SGSM1: variants seen among roughly 807,000 people sequenced by gnomAD.
The protein encoded by SGSM1 is RUN and TBC1 domain containing 2.
In SGSM1, 73 loss-of-function variants were observed where a neutral mutation model predicts 133.8. The ratio of observed to expected loss-of-function variants is 0.55; its 90% CI spans 0.45 to 0.66. The LOEUF is 0.66. Among genes scored for constraint, SGSM1 ranks in the 30% least tolerant of loss-of-function variants. The probability of loss-of-function intolerance (pLI) is 0.00; values close to 1 mark genes in which losing one functional copy is unlikely to be tolerated. For synonymous variants in SGSM1, 563 were observed against 573.0 expected (o/e 0.98, Z 0.25); for missense variants, 1,213 against 1,448.1 (o/e 0.84, Z 2.64).
chr22:24,919,904 T>C lies in SGSM1; in HGVS notation c.3104T>C (p.Leu1035Pro). The C allele has an allele frequency of 3.7e-6, 6 of 1,614,058 alleles. No homozygotes were observed. Among genetic ancestry groups the C allele is most frequent in the Non-Finnish European group, 5.1e-6 (6 of 1,179,888 alleles). The change falls in exon 24 of 25, where the codon CTG becomes CCG. Residue 1035 changes from leucine (L) to proline (P), a missense_variant. Leu to Pro is a moderately conservative substitution (Grantham distance 98). Transcript: ENST00000400358. ...CACGTCTCCTCTGCGCACTACGTCC[T>C]GTTCATTGCGCTGGCTCTGGTGGAA... The part of the protein sequence containing the change: ...AKHVSSAHYV[L>P]FIALALVEVY...
At chr22:24,840,213 G>A (rs1024803909) in intron 2 of SGSM1, among the ~76,000 whole-genome samples, 2 of 151,956 alleles carry the variant, frequency 1.3e-5, no homozygotes, top group African/African-American at 4.8e-5. Context: ...CAGATTGCTG[G>A]GATTACAGGT....
intron 24 of SGSM1, among the ~76,000 whole-genome samples, chr22:24,921,936 G>A (rs1026933305): frequency 6.6e-6 from 1 of 151,944 alleles, no homozygotes; most frequent in African/African-American, 2.4e-5. Context: ...CCCAACCTCA[G>A]GTGATCTGCC....
rs1394491829 is a variant in SGSM1 at position 24,924,074 on chromosome 22, C to T, written c.3194-112C>T. 3 of 918,264 alleles carry T rather than the reference C, an allele frequency of 3.3e-6. No individual in the cohort carries two copies. The African/African-American group carries it at 4.9e-5, about 15-fold the overall frequency. 56.9% of individuals were successfully genotyped at this position (918,264 alleles called of 1,614,324 possible). A position where few individuals can be genotyped will look rare whatever the true frequency, so the allele number is the denominator to read the frequency against. ...AGGCCTTCTCCAGGGCCTCTGCTTC[C>T]TGAGTCAATCTGTGATGGAGATGCC... On this transcript the variant is annotated intron_variant, in intron 24 of 24. Transcript: ENST00000400358.
At chr22:24,815,579 A>G (rs5752006) in intron 2 of SGSM1, among the ~76,000 whole-genome samples, 42,133 of 151,878 alleles carry the variant, frequency 0.28, 5,988 homozygotes, top group South Asian at 0.4. Context: ...TGTCTCTACT[A>G]AAAAAATACA....
At chr22:24,911,490 G>C (rs919050628) in intron 21 of SGSM1, among the ~76,000 whole-genome samples, 41 of 152,092 alleles carry the variant, frequency 2.7e-4, no homozygotes, top group African/African-American at 9.6e-4. Context: ...ACTGCACATA[G>C]TGACTTGTTT....
At chr22:24,876,970 G>A (rs1350767425) in intron 13 of SGSM1, among the ~76,000 whole-genome samples, 1 of 152,154 alleles carries the variant, frequency 6.6e-6, no homozygotes, top group Admixed American at 6.5e-5. Context: ...TATTTATCAT[G>A]CATGCTGTGT....
At position 24,841,844 on chromosome 22, in the gene SGSM1, C is replaced by A. The variant is rs956106072; in HGVS notation, c.64-3053C>A. Among the ~76,000 whole-genome samples, 103 of 152,216 alleles carry A rather than the reference C, an allele frequency of 6.8e-4. 1 individual carries two copies. Among genetic ancestry groups the A allele is most frequent in the Admixed American group, 6.7e-3 (102 of 15,280 alleles). ...TGGCACGATCTCGGCTTACTGCAAC[C>A]TCTGCCTCCCAAGTACTGTTGTCCT... On this transcript the variant is annotated intron_variant, in intron 2 of 24. Transcript: ENST00000400358.
intron 20 of SGSM1, among the ~76,000 whole-genome samples, chr22:24,902,351 A>T (rs965317450): frequency 6.6e-6 from 1 of 152,096 alleles, no homozygotes; most frequent in African/African-American, 2.4e-5. Flanking sequence ...TTAAGCCAAG[A>T]TCTACGACTG....
At chr22:24,824,786 G>A (rs5760690) in intron 2 of SGSM1, among the ~76,000 whole-genome samples, 86 of 151,978 alleles carry the variant, frequency 5.7e-4, no homozygotes, top group African/African-American at 1.8e-3. Context: ...TCCCCACTAC[G>A]CTGTCAGGTC....
intron 9 of SGSM1, among the ~76,000 whole-genome samples, chr22:24,863,374 G>A (rs901385350): frequency 2.6e-5 from 4 of 152,122 alleles, no homozygotes; most frequent in South Asian, 2.1e-4. Flanking sequence ...GGCCAGGATG[G>A]TCTCGATCTC....
chr22:24,814,449 C>T (rs556668249), intron 2 of SGSM1, among the ~76,000 whole-genome samples: 36 of 152,036 alleles, frequency 2.4e-4, no homozygotes, highest in African/African-American at 8.2e-4. Flanking sequence ...GTTGTTGGTA[C>T]AGCAAGGGGT....
chr22:24,838,702 G>A (rs1929613521), intron 2 of SGSM1, among the ~76,000 whole-genome samples: 1 of 151,846 alleles, frequency 6.6e-6, no homozygotes, highest in Non-Finnish European at 1.5e-5. Context: ...TTTAGTTCTG[G>A]GCTCTCTATT....
intron 24 of SGSM1, among the ~76,000 whole-genome samples, chr22:24,923,020 C>T (rs925140394): frequency 6.6e-5 from 10 of 152,044 alleles, no homozygotes; most frequent in Non-Finnish European, 2.9e-5. Flanking sequence ...CCCAGCTACT[C>T]AGGAGGTTGG....
Position 24,833,143 on chromosome 22 carries a change from C to A in SGSM1, c.64-11754C>A, listed in dbSNP as rs185560123. Among the ~76,000 whole-genome samples, 952 of 151,458 alleles carry A rather than the reference C, an allele frequency of 6.3e-3. 11 individuals carry two copies. Among genetic ancestry groups the A allele is most frequent in the African/African-American group, 0.022 (905 of 41,288 alleles). ...AGAGATGGGGTTTCACCATGTTGGC[C>A]AGGCTGGTCTGGAACTCCTGACCTC... On this transcript the variant is annotated intron_variant, in intron 2 of 24. Transcript: ENST00000400358.
intron 8 of SGSM1, among the ~76,000 whole-genome samples, chr22:24,856,532 G>A (rs190331008): frequency 1.7e-4 from 26 of 152,202 alleles, no homozygotes; most frequent in East Asian, 3.9e-4. Context: ...GTCTCCTTTC[G>A]CTGTCCCCTC....
At chr22:24,876,455 GGGTCTTTTCC>G in intron 12 of SGSM1, 112 bp from the exon 13 acceptor site, 1 of 1,268,718 alleles carries the variant, frequency 7.9e-7, no homozygotes, top group South Asian at 1.4e-5. Flanking sequence ...GTCATCTTCA[GGGTCTTTTCC>G]TATCTCTGTG....
At chr22:24,894,986 G>C (rs1932880318) in intron 17 of SGSM1, among the ~76,000 whole-genome samples, 1 of 152,204 alleles carries the variant, frequency 6.6e-6, no homozygotes, top group African/African-American at 2.4e-5. Context: ...TGCTCTAGTT[G>C]CAGAGGTGAG....
chr22:24,847,909 C>T, intron 4 of SGSM1, 113 bp downstream of exon 4: 1 of 1,373,208 alleles, frequency 7.3e-7, no homozygotes, highest in South Asian at 1.5e-5. Flanking sequence ...CTCCATCCTG[C>T]TTCTCAAACC....
Position 24,859,745 on chromosome 22 carries a change from C to T in SGSM1, c.831C>T (p.Tyr277=), listed in dbSNP as rs758803201. 10 of 1,613,958 alleles carry T rather than the reference C, an allele frequency of 6.2e-6. No individual in the cohort carries two copies. Among genetic ancestry groups the T allele is most frequent in the Non-Finnish European group, 7.6e-6 (9 of 1,179,888 alleles). The change falls in exon 9 of 25, where the codon TAC becomes TAT. Residue 277 remains tyrosine (Y), a synonymous_variant. Coordinates refer to ENST00000400358, the MANE Select transcript of SGSM1 (RefSeq NM_001098497.3). ...ACGACATGGAGGCTGTGCCAGGGTA[C>T]CTGTCCCTGCACCAGACGGCTGACG... ...PRDDMEAVPG[Y]LSLHQTADVM...
Sources: allele counts gnomAD v4.1 joint callset (sites outside exome capture counted in the v4.1 genomes callset), GRCh38; gene constraint gnomAD v4.1.1; transcripts MANE v1.5; gene names NCBI Gene and HGNC (gene_info 2026-07-23, HGNC 2026-07-21).